The following AUTS2 variants were observed in gnomAD, a reference collection of about 807,000 sequenced individuals.
The protein encoded by AUTS2 is activator of transcription and developmental regulator AUTS2, also known as autism susceptibility gene 2 protein.
A neutral mutation model predicts 112.4 loss-of-function variants in AUTS2; 17 were observed. The ratio of observed to expected loss-of-function variants is 0.15; its 90% CI spans 0.10 to 0.23. AUTS2 has a LOEUF of 0.23. Ranked by LOEUF, AUTS2 falls within the 10% of genes least tolerant of loss-of-function variation. The pLI, the probability that AUTS2 is intolerant of heterozygous loss-of-function variation, is 1.00. For missense variants in AUTS2, 1,510 were observed against 1,701.6 expected, an observed-to-expected ratio of 0.89 and a Z score of 1.98; for synonymous variants, 751 against 702.7, an observed-to-expected ratio of 1.07 and a Z score of -1.09.
chr7:70,430,967 C>T (rs975879516), intron 4 of AUTS2, among the ~76,000 whole-genome samples: 2 of 151,502 alleles, frequency 1.3e-5, no homozygotes, highest in African/African-American at 4.8e-5. Flanking sequence ...TCCCAAGTAG[C>T]TGGGACTACA....
At chr7:69,756,704 C>T (rs2129279042) in intron 1 of AUTS2, among the ~76,000 whole-genome samples, 1 of 151,926 alleles carries the variant, frequency 6.6e-6, no homozygotes, top group South Asian at 2.1e-4. Context: ...TTGCTAGTAA[C>T]TACCAGTTTT....
At chr7:70,475,692 G>A (rs1409546707) in intron 5 of AUTS2, among the ~76,000 whole-genome samples, 1 of 152,152 alleles carries the variant, frequency 6.6e-6, no homozygotes, top group Non-Finnish European at 1.5e-5. Flanking sequence ...GAGACATCCT[G>A]CCCTCAGGGA....
At chr7:70,290,293 A>G in intron 4 of AUTS2, 1 of 1,353,498 alleles carries the variant, frequency 7.4e-7, no homozygotes, top group African/African-American at 1.5e-5. Flanking sequence ...TAAAAAAAAC[A>G]TTTAGCACAG....
chr7:70,789,748 G>C lies in AUTS2; in HGVS notation c.2532G>C (p.Arg844Ser). Residue 844 changes from arginine to serine, a missense_variant and splice_region_variant, in exon 19 of 19, where the codon AGG (arginine) becomes AGC (serine). By Grantham distance (110) the Arg-to-Ser change is moderately radical (BLOSUM62 -1). Around this residue, in one of 3 missense-constraint regions of AUTS2, gnomAD observed 788 missense variants for 797.6 expected, o/e 0.99. Coordinates refer to ENST00000342771, the MANE Select transcript of AUTS2 (RefSeq NM_015570.4). ...DSSVSKDDKE[R>S]ESVEKRHSSH... ...CCTTGTCTTCCCCTCTCTCCCCCAG[G>C]GAAAGCGTCGAGAAGAGACACTCCA... 1 of 1,608,952 alleles carries C rather than the reference G, an allele frequency of 6.2e-7. No individual in the cohort carries two copies. Among genetic ancestry groups the C allele is most frequent in the Non-Finnish European group, 8.5e-7 (1 of 1,176,836 alleles).
intron 1 of AUTS2, among the ~76,000 whole-genome samples, chr7:69,745,665 A>G (rs1305530994): frequency 6.6e-6 from 1 of 152,186 alleles, no homozygotes; most frequent in Non-Finnish European, 1.5e-5. Flanking sequence ...AAATTCCAAT[A>G]TAGATTATAT....
intron 5 of AUTS2, among the ~76,000 whole-genome samples, chr7:70,589,391 C>T (rs895040058): frequency 1.6e-5 from 2 of 124,404 alleles, no homozygotes; most frequent in Non-Finnish European, 3.8e-5. Flanking sequence ...GTGCACAAAA[C>T]CCCCTGGGAA....
intron 5 of AUTS2, among the ~76,000 whole-genome samples, chr7:70,540,965 C>T (rs1205854837): frequency 6.6e-6 from 1 of 152,122 alleles, no homozygotes; most frequent in African/African-American, 2.4e-5. Flanking sequence ...GCAGGCACCC[C>T]ATGGAAACCT....
At chr7:70,786,641 C>T (rs1791505334) in intron 17 of AUTS2, among the ~76,000 whole-genome samples, 1 of 152,150 alleles carries the variant, frequency 6.6e-6, no homozygotes. Context: ...AAATTATTTT[C>T]TTTCATGCTA....
chr7:69,870,207 A>G (rs1388111732), intron 1 of AUTS2, among the ~76,000 whole-genome samples: 6 of 151,828 alleles, frequency 4.0e-5, no homozygotes, highest in African/African-American at 1.5e-4. Context: ...CTTTTGTTTT[A>G]CTTTCTTTCC....
At chr7:69,804,800 G>C (rs1451765030) in intron 1 of AUTS2, among the ~76,000 whole-genome samples, 1 of 152,132 alleles carries the variant, frequency 6.6e-6, no homozygotes, top group Non-Finnish European at 1.5e-5. Context: ...TGTGGTCTTC[G>C]AAGCAGCAAT....
At chr7:70,284,152 TAAA>T (rs1438784355) in intron 4 of AUTS2, among the ~76,000 whole-genome samples, 6 of 152,220 alleles carry the variant, frequency 3.9e-5, no homozygotes, top group Non-Finnish European at 7.3e-5. Context: ...AAGTTCACAA[TAAA>T]TTATGGCGAT....
At chr7:69,619,612 C>T (rs1165424640) in intron 1 of AUTS2, among the ~76,000 whole-genome samples, 1 of 151,784 alleles carries the variant, frequency 6.6e-6, no homozygotes, top group Non-Finnish European at 1.5e-5. Context: ...GAAGTGCTAT[C>T]AATTATGTGT....
chr7:70,526,817 CCTCCTCT>C (rs1799861233), intron 5 of AUTS2, among the ~76,000 whole-genome samples: 1 of 152,202 alleles, frequency 6.6e-6, no homozygotes, highest in African/African-American at 2.4e-5. Flanking sequence ...CCTGCCCTTG[CCTCCTCT>C]CTCCCGACAC....
intron 2 of AUTS2, among the ~76,000 whole-genome samples, chr7:69,936,981 T>G (rs920301562): frequency 1.3e-5 from 2 of 152,118 alleles, no homozygotes; most frequent in Non-Finnish European, 2.9e-5. Flanking sequence ...CTTTCCCCCT[T>G]TTTTCTTCCC....
At chr7:70,054,398 C>T (rs1257313198) in intron 2 of AUTS2, among the ~76,000 whole-genome samples, 1 of 151,844 alleles carries the variant, frequency 6.6e-6, no homozygotes, top group Non-Finnish European at 1.5e-5. Flanking sequence ...TTTTCTCAAC[C>T]TTCTGTGATA....
chr7:70,777,750 A>G (rs1432696869), intron 14 of AUTS2, among the ~76,000 whole-genome samples: 1 of 152,244 alleles, frequency 6.6e-6, no homozygotes, highest in Non-Finnish European at 1.5e-5. Context: ...TATTGATCCA[A>G]AGGTCTTGAA....
chr7:70,613,357 G>A (rs1023851832), intron 5 of AUTS2, among the ~76,000 whole-genome samples: 11 of 152,062 alleles, frequency 7.2e-5, no homozygotes, highest in Admixed American at 3.9e-4. Context: ...AATATAGAAT[G>A]CTGTTTTGCA....
chr7:70,363,429 A>G (rs1019635913), intron 4 of AUTS2, among the ~76,000 whole-genome samples: 11 of 140,676 alleles, frequency 7.8e-5, no homozygotes, highest in Admixed American at 1.4e-4. Context: ...CAATGTGCAC[A>G]TGTACCCTAA....
intron 4 of AUTS2, among the ~76,000 whole-genome samples, chr7:70,243,231 T>TTGTG (rs3078161): frequency 0.012 from 1,618 of 131,714 alleles, 14 homozygotes; most frequent in East Asian, 0.024. Flanking sequence ...GAATGTATCC[T>TTGTG]TGTGTGTGTG....
Sources: allele counts gnomAD v4.1 joint callset (sites outside exome capture counted in the v4.1 genomes callset), GRCh38; gene constraint gnomAD v4.1.1; regional missense constraint gnomAD v4.1.1; transcripts MANE v1.5; gene names NCBI Gene and HGNC (gene_info 2026-07-23, HGNC 2026-07-21).